Variants in VPS41 observed in about 807,000 individuals in gnomAD.
The protein encoded by VPS41 is VPS41 subunit of HOPS complex.
A neutral mutation model predicts 130.9 loss-of-function variants in VPS41; 85 were observed. That is an observed-to-expected ratio of 0.65 (90% CI 0.55 to 0.78). The LOEUF (loss-of-function observed/expected upper bound fraction) is 0.78, where lower values mean the gene tolerates loss of function less well. VPS41 is among the 30% of genes least tolerant of loss of function. The pLI, the probability that VPS41 is intolerant of heterozygous loss-of-function variation, is 0.00. For synonymous variants in VPS41, 335 were observed against 332.9 expected, an observed-to-expected ratio of 1.01 and a Z score of -0.07; for missense variants, 874 against 1,018.7, an observed-to-expected ratio of 0.86 and a Z score of 1.93.
At chr7:38,812,809 GAAGA>G (rs1269524300) in intron 7 of VPS41, among the ~76,000 whole-genome samples, 1 of 152,096 alleles carries the variant, frequency 6.6e-6, no homozygotes, top group East Asian at 1.9e-4. Flanking sequence ...TCAGTCATTA[GAAGA>G]AAGTCAAAAC....
intron 2 of VPS41, among the ~76,000 whole-genome samples, chr7:38,876,532 T>TA (rs375905927): frequency 1.1e-4 from 16 of 152,124 alleles, no homozygotes; most frequent in Admixed American, 2.0e-4. Flanking sequence ...AGATAGCAAA[T>TA]AAAAAAAATC....
intron 4 of VPS41, among the ~76,000 whole-genome samples, chr7:38,834,919 G>A (rs1018674182): frequency 3.3e-5 from 5 of 150,760 alleles, no homozygotes; most frequent in South Asian, 2.1e-4. Context: ...CTTTTTGTTC[G>A]TTCACTGTTT....
chr7:38,752,917 C>T (rs1049275568), intron 21 of VPS41, among the ~76,000 whole-genome samples: 1 of 152,070 alleles, frequency 6.6e-6, no homozygotes, highest in Non-Finnish European at 1.5e-5. Flanking sequence ...AAACTGGTAA[C>T]ATCAAAAACA....
At chr7:38,778,636 TAC>T (rs1414627309) in intron 10 of VPS41, among the ~76,000 whole-genome samples, 3 of 152,196 alleles carry the variant, frequency 2.0e-5, no homozygotes, top group Non-Finnish European at 2.9e-5. Context: ...ATGCTACACA[TAC>T]AGTTCCCTTA....
In VPS41 at chr7:38,757,148, C is replaced by T. The variant is rs2392599; in HGVS notation, c.1551-166G>A. 0.9 allele frequency among the ~76,000 whole-genome samples: 136,264 copies of T among 152,208 alleles called. 61,071 individuals are homozygous for T. The highest frequency in any genetic ancestry group is 0.99 in the East Asian group (5,157 of 5,184). On this transcript the variant is annotated intron_variant, in intron 18 of 28. Transcript: ENST00000310301. ...TTTTTGAATAGGATTTAACTATACA[C>T]GACCAATAAGTATTTCTTTCTCAGA... is the stretch of plus-strand genomic sequence containing the variant.
At chr7:38,810,921 G>A (rs1325667061) in intron 7 of VPS41, among the ~76,000 whole-genome samples, 1 of 152,094 alleles carries the variant, frequency 6.6e-6, no homozygotes, top group African/African-American at 2.4e-5. Flanking sequence ...AGTTTCTGCT[G>A]CTAGTTTAAA....
intron 2 of VPS41, among the ~76,000 whole-genome samples, chr7:38,896,660 T>C (rs1787001186): frequency 1.3e-5 from 2 of 152,224 alleles, no homozygotes; most frequent in Non-Finnish European, 2.9e-5. Flanking sequence ...CCCTGATATA[T>C]AATCTGTTCT....
chr7:38,822,518 G>C (rs1785192240), intron 5 of VPS41, among the ~76,000 whole-genome samples: 1 of 152,170 alleles, frequency 6.6e-6, no homozygotes, highest in African/African-American at 2.4e-5. Flanking sequence ...TTGCTTCTTT[G>C]CCACTGCTGG....
intron 7 of VPS41, among the ~76,000 whole-genome samples, chr7:38,808,860 G>A (rs1784886031): frequency 6.6e-6 from 1 of 152,130 alleles, no homozygotes. Context: ...GGATGGCAGT[G>A]GTAAGAAAAG....
In VPS41 at chr7:38,726,929, A is replaced by T. The variant is rs758598379; in HGVS notation, c.2464T>A (p.Cys822Ser). 2 of 1,584,806 alleles carry T rather than the reference A, an allele frequency of 1.3e-6. No individual in the cohort carries two copies. The highest frequency in any genetic ancestry group is 4.7e-5 in the East Asian group (2 of 42,506). ...FHCRHMFHKE[C>S]LPMPSMNSAA... ...CTCACCATGCTGGGCATGGGCAGGC[A>T]CTCCTTGTGGAACATGTGCCGGCAA... The change falls in exon 28 of 29, where the codon TGC becomes AGC. Residue 822 changes from cysteine (C) to serine (S), a missense_variant. Cys to Ser is a moderately radical substitution (Grantham distance 112). Coordinates refer to ENST00000310301, the MANE Select transcript of VPS41 (RefSeq NM_014396.4).
chr7:38,894,294 G>C (rs1459285413), intron 2 of VPS41, among the ~76,000 whole-genome samples: 13 of 152,120 alleles, frequency 8.5e-5, no homozygotes, highest in Admixed American at 7.9e-4. Flanking sequence ...GTCTTCAAAG[G>C]CTCAACTGCA....
At chr7:38,787,556 AT>A (rs1476854490) in intron 10 of VPS41, among the ~76,000 whole-genome samples, 5 of 152,244 alleles carry the variant, frequency 3.3e-5, no homozygotes, top group Admixed American at 2.0e-4. Context: ...AACAGAATAA[AT>A]CAACAGCCTA....
At chr7:38,865,940 A>T (rs897702185) in intron 3 of VPS41, among the ~76,000 whole-genome samples, 3 of 152,228 alleles carry the variant, frequency 2.0e-5, no homozygotes, top group Admixed American at 6.5e-5. Context: ...GGATTACATG[A>T]TCAGGTTGAG....
intron 28 of VPS41, 86 bp from the exon 29 acceptor site, chr7:38,726,412 C>A (rs1795546110): frequency 9.6e-7 from 1 of 1,036,932 alleles, no homozygotes; most frequent in Non-Finnish European, 1.5e-6. Flanking sequence ...TAGCGTTAGT[C>A]AGGGGGTGGA....
intron 13 of VPS41, among the ~76,000 whole-genome samples, chr7:38,772,109 G>C (rs1329820979): frequency 6.6e-6 from 1 of 152,022 alleles, no homozygotes; most frequent in Non-Finnish European, 1.5e-5. Context: ...CCTCAATGAA[G>C]TGGACAACAT....
chr7:38,838,253 A>C (rs1013525050), intron 4 of VPS41, among the ~76,000 whole-genome samples: 1 of 152,198 alleles, frequency 6.6e-6, no homozygotes, highest in African/African-American at 2.4e-5. Context: ...AAAAAAATGG[A>C]AAGAGAGAAA....
intron 5 of VPS41, among the ~76,000 whole-genome samples, chr7:38,821,841 A>G (rs1785179027): frequency 6.6e-6 from 1 of 152,232 alleles, no homozygotes; most frequent in Admixed American, 6.5e-5. Context: ...AAATTGTATT[A>G]AATGCATGCC....
At position 38,795,260 on chromosome 7, in the gene VPS41, T is replaced by C. The variant is rs150174112; in HGVS notation, c.717+205A>G. Among the ~76,000 whole-genome samples the C allele has an allele frequency of 1.1e-3, 167 of 152,282 alleles. 2 individuals carry two copies. Among genetic ancestry groups the C allele is most frequent in the African/African-American group, 3.9e-3 (160 of 41,556 alleles). On this transcript the variant is annotated intron_variant, in intron 9 of 28. Transcript: ENST00000310301. ...TTCTCAACACGAAAAAGTTCACAAA[T>C]AGTTTTACATGCCATGGAAAAGAAA...
intron 4 of VPS41, among the ~76,000 whole-genome samples, chr7:38,860,850 C>T (rs1283268651): frequency 6.6e-6 from 1 of 151,680 alleles, no homozygotes; most frequent in South Asian, 2.1e-4. Context: ...CCAATGATCA[C>T]GAAAAAGCCA....
Sources: allele counts gnomAD v4.1 joint callset (sites outside exome capture counted in the v4.1 genomes callset), GRCh38; gene constraint gnomAD v4.1.1; transcripts MANE v1.5; gene names NCBI Gene and HGNC (gene_info 2026-07-23, HGNC 2026-07-21).